The following AKAP13 variants were observed in gnomAD, a reference collection of about 807,000 sequenced individuals.
The protein encoded by AKAP13 is A-kinase anchoring protein 13.
A neutral mutation model predicts 264.5 loss-of-function variants in AKAP13; 80 were observed. That is an observed-to-expected ratio of 0.30 (90% CI 0.25 to 0.36). AKAP13 has a LOEUF of 0.36. Ranked by LOEUF, AKAP13 falls within the 10% of genes least tolerant of loss-of-function variation. AKAP13 has a pLI of 1.00. For synonymous variants in AKAP13, 1,380 were observed against 1,250.2 expected, an observed-to-expected ratio of 1.10 and a Z score of -2.19; for missense variants, 3,712 against 3,435.2, an observed-to-expected ratio of 1.08 and a Z score of -2.01.
chr15:85,608,866 TG>T (rs1253208288), intron 8 of AKAP13, among the ~76,000 whole-genome samples: 1 of 152,232 alleles, frequency 6.6e-6, no homozygotes, highest in Non-Finnish European at 1.5e-5. Context: ...TAAAGACTTT[TG>T]TACTGCCTTT....
intron 30 of AKAP13, among the ~76,000 whole-genome samples, chr15:85,734,664 T>C (rs1483463504): frequency 6.6e-6 from 1 of 152,226 alleles, no homozygotes; most frequent in Non-Finnish European, 1.5e-5. Flanking sequence ...AATCAATCCA[T>C]CTTACTTTCC....
intron 14 of AKAP13, among the ~76,000 whole-genome samples, chr15:85,673,170 A>G (rs2084013174): frequency 6.6e-6 from 1 of 152,224 alleles, no homozygotes; most frequent in Admixed American, 6.5e-5. Context: ...AGAAAAACAG[A>G]CAAACTTGTA....
intron 36 of AKAP13, 21 bp from the exon 37 acceptor site, chr15:85,744,607 T>G (rs747202674): frequency 6.2e-7 from 1 of 1,613,856 alleles, no homozygotes; most frequent in Non-Finnish European, 8.5e-7. Flanking sequence ...TTTTTTTCAT[T>G]CTTGGTTTTC....
chr15:85,736,897 A>G (rs2088561893), intron 33 of AKAP13, among the ~76,000 whole-genome samples: 1 of 148,604 alleles, frequency 6.7e-6, no homozygotes, highest in South Asian at 2.1e-4. Context: ...TCAAGTACTC[A>G]AGTTATATCA....
intron 1 of AKAP13, among the ~76,000 whole-genome samples, chr15:85,417,328 AT>A (rs1309927970): frequency 6.6e-6 from 1 of 152,182 alleles, no homozygotes; most frequent in Non-Finnish European, 1.5e-5. Context: ...CTTTGTCTTA[AT>A]TTAAAATTGG....
chr15:85,711,143 A>G (rs541151972), intron 19 of AKAP13, among the ~76,000 whole-genome samples: 52 of 152,076 alleles, frequency 3.4e-4, no homozygotes, highest in African/African-American at 1.0e-3. Context: ...AGCCTCCCCA[A>G]TAGCTGGGAT....
chr15:85,685,075 A>G (rs2084816541), intron 16 of AKAP13: 1 of 585,596 alleles, frequency 1.7e-6, no homozygotes, highest in East Asian at 3.1e-5. Flanking sequence ...AGTTTTCACT[A>G]TATGCTAAGT....
At chr15:85,481,951 A>G (rs1227527161) in intron 1 of AKAP13, among the ~76,000 whole-genome samples, 1 of 152,186 alleles carries the variant, frequency 6.6e-6, no homozygotes, top group Non-Finnish European at 1.5e-5. Context: ...TCATTTTGGT[A>G]AAAAAATCTA....
intron 2 of AKAP13, among the ~76,000 whole-genome samples, chr15:85,486,590 C>T (rs28402114): frequency 2.4e-3 from 361 of 152,042 alleles, no homozygotes; most frequent in African/African-American, 8.4e-3. Flanking sequence ...ACTCTGAAGT[C>T]GATTCCTTTC....
chr15:85,459,235 G>T (rs2150995272), intron 1 of AKAP13, among the ~76,000 whole-genome samples: 1 of 152,250 alleles, frequency 6.6e-6, no homozygotes, highest in African/African-American at 2.4e-5. Context: ...ACCCAGGCTG[G>T]AGTGCAGTGG....
chr15:85,449,145 TTTATTTTATG>T (rs1487230431), intron 1 of AKAP13, among the ~76,000 whole-genome samples: 2 of 152,136 alleles, frequency 1.3e-5, no homozygotes, highest in Non-Finnish European at 2.9e-5. Context: ...TCCTAGGTAT[TTTATTTTATG>T]TTATTTTATG....
At chr15:85,470,281 C>T (rs2074914069) in intron 1 of AKAP13, among the ~76,000 whole-genome samples, 1 of 152,080 alleles carries the variant, frequency 6.6e-6, no homozygotes, top group Admixed American at 6.5e-5. Flanking sequence ...AAGAGCGAAA[C>T]TCTGTCTCAA....
chr15:85,623,617 A>G (rs1256936518), intron 8 of AKAP13, among the ~76,000 whole-genome samples: 2 of 152,192 alleles, frequency 1.3e-5, no homozygotes, highest in Non-Finnish European at 2.9e-5. Context: ...TCATCCTCAC[A>G]TCAGCTCTTC....
chr15:85,444,750 C>G (rs966242920), intron 1 of AKAP13, among the ~76,000 whole-genome samples: 1 of 152,190 alleles, frequency 6.6e-6, no homozygotes, highest in Non-Finnish European at 1.5e-5. Flanking sequence ...CACCAGGACT[C>G]TAGCAGCCCT....
At position 85,508,740 on chromosome 15, in the gene AKAP13, C is replaced by T. The variant is rs186009240; in HGVS notation, c.34-12688C>T. On this transcript the variant is annotated intron_variant, in intron 2 of 36. Coordinates refer to ENST00000394518, the MANE Select transcript of AKAP13 (RefSeq NM_007200.5). ...GAAAAAAAAATCCATATTCCAACCTCGCCTTCCATCCAGTGTTCATTCATT... is the reference window on the plus strand; with the variant it reads ...GAAAAAAAAATCCATATTCCAACCTTGCCTTCCATCCAGTGTTCATTCATT... 1.8e-4 allele frequency among the ~76,000 whole-genome samples: 28 copies of T among 152,272 alleles called. No individual in the cohort carries two copies. In the East Asian group the frequency reaches 4.8e-3, roughly 26 times the overall value.
intron 1 of AKAP13, among the ~76,000 whole-genome samples, chr15:85,404,951 C>T (rs1180809208): frequency 6.6e-6 from 1 of 152,132 alleles, no homozygotes; most frequent in Non-Finnish European, 1.5e-5. Flanking sequence ...CTCAGTAGGG[C>T]CTTATGTAGC....
At position 85,679,116 on chromosome 15, in the gene AKAP13, C is replaced by T. The variant is rs11856864; in HGVS notation, c.5102-3042C>T. ...ATTAGCCGGGTGTGGTTGCGGGCTC[C>T]TGTAATCCCAGCTATTCAGGAGGCT... On this transcript the variant is annotated intron_variant, in intron 14 of 36. Transcript: ENST00000394518. Among the ~76,000 whole-genome samples the T allele has an allele frequency of 1.3e-3, 198 of 152,102 alleles. 1 individual carries two copies. The highest frequency in any genetic ancestry group is 4.5e-3 in the African/African-American group (188 of 41,496).
At position 85,664,614 on chromosome 15, in the gene AKAP13, C is replaced by G. The variant is rs757355645; in HGVS notation, c.4851C>G (p.Ser1617=). 2 of 1,613,824 alleles carry G rather than the reference C, an allele frequency of 1.2e-6. No homozygotes were observed. The highest frequency in any genetic ancestry group is 4.5e-5 in the East Asian group (2 of 44,882). ...GAGCTGGTGTCGGAAACAAGCCATC[C>G]TCATCTCTAGAAGTAAGCTCTGCAA... ...TGGAGVGNKP[S]SSLEVSSANA... Residue 1617 remains serine, a synonymous_variant, in exon 13 of 37, where the codon TCC becomes TCG. Coordinates refer to ENST00000394518, the MANE Select transcript of AKAP13 (RefSeq NM_007200.5).
chr15:85,568,649 C>A (rs2078695107), intron 5 of AKAP13, among the ~76,000 whole-genome samples: 2 of 152,058 alleles, frequency 1.3e-5, no homozygotes, highest in African/African-American at 4.8e-5. Flanking sequence ...AGCTGGGTGA[C>A]CTTGGTCATG....
Sources: allele counts gnomAD v4.1 joint callset (sites outside exome capture counted in the v4.1 genomes callset), GRCh38; gene constraint gnomAD v4.1.1; transcripts MANE v1.5; gene names NCBI Gene and HGNC (gene_info 2026-07-23, HGNC 2026-07-21).